The following SOS1 variants were observed in gnomAD, a reference collection of about 807,000 sequenced individuals.
SOS1 encodes son of sevenless homolog 1.
In SOS1, 25 loss-of-function variants were observed where a neutral mutation model predicts 157.6. That is an observed-to-expected ratio of 0.16 (90% confidence interval 0.12 to 0.22). The LOEUF is 0.22. SOS1 is among the 10% of genes least tolerant of loss of function. The probability of loss-of-function intolerance (pLI) is 1.00; values close to 1 mark genes in which losing one functional copy is unlikely to be tolerated. For missense variants in SOS1, 1,237 were observed against 1,599.1 expected (o/e 0.77, Z 3.86); for synonymous variants, 528 against 534.0 (o/e 0.99, Z 0.16).
chr2:39,058,854 C>T, intron 2 of SOS1, 50 bp from the exon 3 acceptor site: 2 of 1,437,728 alleles, frequency 1.4e-6, no homozygotes, highest in Non-Finnish European at 1.9e-6. Flanking sequence ...TTAAATAGTG[C>T]TCTTCACTTA....
intron 8 of SOS1, among the ~76,000 whole-genome samples, chr2:39,026,362 AAAAAAAAAAAAAC>A (rs1023947563): frequency 3.7e-4 from 12 of 32,158 alleles, no homozygotes; most frequent in African/African-American, 6.7e-4. Context: ...CTCAAAAAAA[AAAAAAAAAAAAAC>A]AGAAAAATTT....
chr2:39,030,785 G>A (rs184929341), intron 8 of SOS1, among the ~76,000 whole-genome samples: 11 of 152,286 alleles, frequency 7.2e-5, no homozygotes, highest in African/African-American at 2.6e-4. Context: ...GATCTTGGCA[G>A]ATGTAATCAA....
intron 20 of SOS1, chr2:38,992,139 A>G (rs918265211): frequency 8.5e-5 from 13 of 152,208 alleles, no homozygotes; most frequent in Non-Finnish European, 7.3e-5. Context: ...AACAGTGGGT[A>G]GCAAGTTGGA....
At chr2:38,988,034 G>A (rs535476356) in intron 21 of SOS1, among the ~76,000 whole-genome samples, 33 of 152,124 alleles carry the variant, frequency 2.2e-4, no homozygotes, top group Admixed American at 9.2e-4. Context: ...AGTAGAGTGT[G>A]TGCTCTTAAC....
At chr2:38,989,197 C>T in intron 21 of SOS1, 73 bp downstream of exon 21, 2 of 1,029,022 alleles carry the variant, frequency 1.9e-6, no homozygotes, top group Admixed American at 1.7e-5. Flanking sequence ...AGAGTTTTAG[C>T]AGGAAAGGTT....
rs975987462 is a variant in SOS1 at position 38,985,573 on chromosome 2, C to G, written c.*251G>C. Reference sequence around the variant, plus strand: ...TCCTGCCTATTGGCCAGAAAAAGTCCCTTTATGATTTTCAGGTGCAATCAG... The same window carrying G: ...TCCTGCCTATTGGCCAGAAAAAGTCGCTTTATGATTTTCAGGTGCAATCAG... On this transcript the variant is annotated 3_prime_UTR_variant, in exon 23 of 23. Transcript: ENST00000402219. The G allele has an allele frequency of 8.6e-6, 4 of 465,650 alleles. No individual in the cohort carries two copies. Among genetic ancestry groups the G allele is most frequent in the Non-Finnish European group, 1.6e-5 (4 of 254,318 alleles). The allele number at this position is 465,650 out of a possible 1,614,324, so 28.8% of individuals were successfully genotyped here. A position where few individuals can be genotyped will look rare whatever the true frequency, so the allele number is the denominator to read the frequency against.
chr2:39,051,053 T>C, intron 6 of SOS1, 91 bp downstream of exon 6: 1 of 1,166,650 alleles, frequency 8.6e-7, no homozygotes, highest in East Asian at 2.3e-5. Context: ...TTAGTATCTA[T>C]GACTTTAGCT....
intron 5 of SOS1, among the ~76,000 whole-genome samples, chr2:39,053,101 C>G (rs1671079515): frequency 6.6e-6 from 1 of 151,968 alleles, no homozygotes; most frequent in Non-Finnish European, 1.5e-5. Flanking sequence ...TACAGTGAGC[C>G]AAGATCACGG....
rs183998234 is a variant in SOS1, at chr2:39,007,017, A to G, written c.2673+14T>C. On this transcript the variant is annotated intron_variant, in intron 16 of 22. Transcript: ENST00000402219. ...GAATGAAAGTTCATTTTAAAAACAC[A>G]TGTAGAAACCTACCTCAAATGTGTG... The G allele has an allele frequency of 3.4e-3, 5,304 of 1,580,350 alleles. 22 individuals carry two copies. The highest frequency in any genetic ancestry group is 4.2e-3 in the Non-Finnish European group (4,845 of 1,149,830).
chr2:39,106,602 C>CAA lies in SOS1; in HGVS notation c.87+13732_87+13733dup, dbSNP rs11381609. On this transcript the variant is annotated intron_variant, in intron 1 of 22. Coordinates refer to ENST00000402219, the MANE Select transcript of SOS1 (RefSeq NM_005633.4). ...CGAGACTCCGTCTCAAAAAAAAAAA[C>CAA]AAAAAAAAAAACAAAACATCTGAGT... Among the ~76,000 whole-genome samples the CAA allele has an allele frequency of 3.5e-3, 477 of 137,354 alleles. 7 individuals carry two copies. Among genetic ancestry groups the CAA allele is most frequent in the South Asian group, 0.022 (100 of 4,592 alleles). The allele number at this position is 137,354 out of a possible 152,430, so 90.1% of individuals were successfully genotyped here.
chr2:39,073,425 AAAGT>A (rs1671854250), intron 1 of SOS1, among the ~76,000 whole-genome samples: 1 of 152,332 alleles, frequency 6.6e-6, no homozygotes, highest in Non-Finnish European at 1.5e-5. Flanking sequence ...ATATTTTCTT[AAAGT>A]AATTTAAGTA....
Position 38,983,475 on chromosome 2 carries a change from C to T in SOS1, c.*2349G>A, listed in dbSNP as rs1358991159. On this transcript the variant is annotated 3_prime_UTR_variant, in exon 23 of 23. Coordinates refer to ENST00000402219, the MANE Select transcript of SOS1 (RefSeq NM_005633.4). Reference sequence around the variant, plus strand: ...GCACAGTGAAGTGGTCTCCTAGAACCATGGGGTAGAAGAATAGTTCCCTTT... The same window carrying T: ...GCACAGTGAAGTGGTCTCCTAGAACTATGGGGTAGAAGAATAGTTCCCTTT... 1.3e-5 allele frequency: 2 copies of T among 152,192 alleles called. No individual in the cohort carries two copies. Among genetic ancestry groups the T allele is most frequent in the African/African-American group, 4.8e-5 (2 of 41,526 alleles). 9.4% of individuals were successfully genotyped at this position (152,192 alleles called of 1,614,324 possible). A position where few individuals can be genotyped will look rare whatever the true frequency, so the allele number is the denominator to read the frequency against.
intron 17 of SOS1, among the ~76,000 whole-genome samples, chr2:39,000,482 A>G (rs773741459): frequency 2.0e-5 from 3 of 152,230 alleles, no homozygotes; most frequent in East Asian, 1.9e-4. Context: ...CTGTACTTCA[A>G]TATATCATTT....
chr2:39,056,815 C>T lies in SOS1; in HGVS notation c.397G>A (p.Val133Ile). The part of the protein sequence containing the change: ...DHQVSVYIVA[V>I]LEYISADILK... Reference sequence around the variant, plus strand: ...ATGTCTGCAGAAATGTATTCTAAGACTGCTACTATGTAAACAGAAACCTGG... The same window carrying T: ...ATGTCTGCAGAAATGTATTCTAAGATTGCTACTATGTAAACAGAAACCTGG... The change falls in exon 4 of 23, where the codon GTC becomes ATC. Residue 133 changes from valine (V) to isoleucine (I), a missense_variant. By Grantham distance (29) the Val-to-Ile change is conservative. Around this residue, in one of 15 missense-constraint regions of SOS1, gnomAD observed 37 missense variants for 38.5 expected, o/e 0.96. Coordinates refer to ENST00000402219, the MANE Select transcript of SOS1 (RefSeq NM_005633.4). The T allele has an allele frequency of 6.2e-7, 1 of 1,607,014 alleles. No homozygotes were observed. The highest frequency in any genetic ancestry group is 1.1e-5 in the South Asian group (1 of 90,960).
At chr2:39,050,544 G>A (rs778800740) in intron 6 of SOS1, among the ~76,000 whole-genome samples, 8 of 152,026 alleles carry the variant, frequency 5.3e-5, no homozygotes, top group Non-Finnish European at 1.0e-4. Flanking sequence ...TTCAGATTTT[G>A]GATTATTTGT....
rs758258471 is a variant in SOS1, at chr2:38,985,990, G to A, written c.3836C>T (p.Thr1279Ile). Reference sequence around the variant, plus strand: ...AATGGAATGAAGGTCCACTTCTTGTGTCAATGGTGGTGATGGCAGATGCCT... The same window carrying A: ...AATGGAATGAAGGTCCACTTCTTGTATCAATGGTGGTGATGGCAGATGCCT... ...TRRHLPSPPL[T>I]QEVDLHSIAG... is the part of the protein sequence containing the mutation. The change falls in exon 23 of 23, where the codon ACA (threonine) becomes ATA (isoleucine). Residue 1279 changes from threonine (T) to isoleucine (I), a missense_variant. Physicochemically the swap from Thr to Ile is moderately conservative, Grantham distance 89 (BLOSUM62 -1). Transcript: ENST00000402219. 142 of 1,613,850 alleles carry A rather than the reference G, an allele frequency of 8.8e-5. No individual in the cohort carries two copies. The highest frequency in any genetic ancestry group is 1.1e-4 in the Non-Finnish European group (135 of 1,179,898).
intron 16 of SOS1, 37 bp from the exon 17 acceptor site, chr2:39,006,566 G>GA (rs757479225): frequency 5.9e-6 from 6 of 1,020,264 alleles, no homozygotes; most frequent in Non-Finnish European, 9.4e-6. Context: ...TTTACAAAAG[G>GA]AATCAAAGGT....
chr2:39,006,623 G>C (rs1489501523), intron 16 of SOS1, 94 bp from the exon 17 acceptor site: 4 of 747,624 alleles, frequency 5.4e-6, no homozygotes, highest in African/African-American at 5.2e-5. Context: ...AAATACAACA[G>C]TATCAATTTG....
upstream of SOS1, among the ~76,000 whole-genome samples, chr2:39,123,579 A>G (rs1292005367): frequency 6.6e-6 from 1 of 151,810 alleles, no homozygotes; most frequent in Non-Finnish European, 1.5e-5. Context: ...GCTGGTCTCG[A>G]ACTCCTGACC....
Sources: allele counts gnomAD v4.1 joint callset (sites outside exome capture counted in the v4.1 genomes callset), GRCh38; gene constraint gnomAD v4.1.1; regional missense constraint gnomAD v4.1.1; transcripts MANE v1.5; gene names NCBI Gene and HGNC (gene_info 2026-07-23, HGNC 2026-07-21).